REV3L: variants seen among roughly 807,000 people sequenced by gnomAD.
REV3L encodes DNA polymerase zeta catalytic subunit.
A neutral mutation model predicts 299.4 loss-of-function variants in REV3L; 69 were observed. The observed-to-expected ratio is 0.23, with a 90% CI of 0.19 to 0.28. The LOEUF is 0.28. REV3L is among the 10% of genes least tolerant of loss of function. REV3L has a pLI of 1.00. For synonymous variants in REV3L, 1,238 were observed against 1,271.4 expected, an observed-to-expected ratio of 0.97 and a Z score of 0.56; for missense variants, 3,128 against 3,693.8, an observed-to-expected ratio of 0.85 and a Z score of 3.97.
chr6:111,416,038 G>A (rs1784735460), intron 2 of REV3L, among the ~76,000 whole-genome samples: 1 of 152,088 alleles, frequency 6.6e-6, no homozygotes. Flanking sequence ...ATTACTATAT[G>A]AATTACTAAT....
At chr6:111,465,192 T>C (rs1356582045) in intron 1 of REV3L, among the ~76,000 whole-genome samples, 1 of 148,798 alleles carries the variant, frequency 6.7e-6, no homozygotes, top group Non-Finnish European at 1.5e-5. Context: ...GTGATTCTCC[T>C]GGCTCAGCCC....
intron 17 of REV3L, 56 bp from the exon 18 acceptor site, chr6:111,357,181 A>G: frequency 1.7e-6 from 1 of 602,716 alleles, no homozygotes; most frequent in East Asian, 3.7e-5. Context: ...ATATACCTTC[A>G]TAATATAAAA....
chr6:111,466,085 G>C (rs1791480223), intron 1 of REV3L, among the ~76,000 whole-genome samples: 1 of 152,136 alleles, frequency 6.6e-6, no homozygotes, highest in Non-Finnish European at 1.5e-5. Context: ...TTCTATACCT[G>C]TTAAATAAAA....
chr6:111,353,193 A>C (rs909906156), intron 18 of REV3L, among the ~76,000 whole-genome samples: 1 of 152,206 alleles, frequency 6.6e-6, no homozygotes, highest in African/African-American at 2.4e-5. Context: ...GATATAAGCT[A>C]TCTATGGCTA....
chr6:111,322,666 T>C lies in REV3L; in HGVS notation c.8254A>G (p.Ile2752Val), dbSNP rs1237343515. The C allele has an allele frequency of 3.7e-6, 6 of 1,613,738 alleles. No homozygotes were observed. The highest frequency in any genetic ancestry group is 5.1e-6 in the Non-Finnish European group (6 of 1,179,782). Reference protein sequence around the residue: ...RMPCIEVGDSIVHKARETLER... With the variant: ...RMPCIEVGDSVVHKARETLER... ...AAGGTCTCTCTGGCTTTGTGAACAA[T>C]ACTATCGCCAACCTGTTGGTACAAA... Residue 2752 changes from isoleucine to valine, a missense_variant, in exon 26 of 32, where the codon ATT (isoleucine) becomes GTT (valine). Around this residue, in one of 9 missense-constraint regions of REV3L, gnomAD observed 37 missense variants for 100.1 expected, o/e 0.37. Transcript: ENST00000368802.
chr6:111,428,409 T>C (rs1786451847), intron 1 of REV3L, among the ~76,000 whole-genome samples: 1 of 151,978 alleles, frequency 6.6e-6, no homozygotes, highest in African/African-American at 2.4e-5. Context: ...GAGAAATACA[T>C]TTGGTGAACA....
chr6:111,370,536 A>C (rs551027099), intron 13 of REV3L, among the ~76,000 whole-genome samples: 1 of 152,328 alleles, frequency 6.6e-6, no homozygotes, highest in South Asian at 2.1e-4. Context: ...TAAGGTATAA[A>C]ATATGATATT....
chr6:111,333,480 T>C (rs1403336356), intron 22 of REV3L, 113 bp from the exon 23 acceptor site: 3 of 1,139,376 alleles, frequency 2.6e-6, no homozygotes, highest in African/African-American at 3.1e-5. Flanking sequence ...TGTATGACTT[T>C]TTTTTTTTTT....
At chr6:111,446,228 C>T (rs760745374) in intron 1 of REV3L, among the ~76,000 whole-genome samples, 2 of 152,158 alleles carry the variant, frequency 1.3e-5, no homozygotes, top group Non-Finnish European at 2.9e-5. Flanking sequence ...TGGTTAAATG[C>T]TAAATTTTAA....
intron 1 of REV3L, among the ~76,000 whole-genome samples, chr6:111,426,880 A>AC (rs1269679052): frequency 2.6e-5 from 4 of 152,252 alleles, no homozygotes; most frequent in African/African-American, 9.6e-5. Context: ...GAAAATGTGC[A>AC]CCTTTCAGAC....
chr6:111,480,355 T>C (rs933065176), intron 1 of REV3L, among the ~76,000 whole-genome samples: 1 of 152,204 alleles, frequency 6.6e-6, no homozygotes, highest in African/African-American at 2.4e-5. Flanking sequence ...TTCAAATAAA[T>C]CTGTCTTCAT....
chr6:111,417,655 A>G (rs1280664580), intron 1 of REV3L, among the ~76,000 whole-genome samples: 2 of 152,124 alleles, frequency 1.3e-5, no homozygotes, highest in African/African-American at 4.8e-5. Context: ...AAATATATAG[A>G]AAGTAGTTCT....
Position 111,374,236 on chromosome 6 carries a change from C to T in REV3L, c.4119G>A (p.Gln1373=). The T allele has an allele frequency of 6.2e-7, 1 of 1,613,068 alleles. No individual in the cohort carries two copies. Among genetic ancestry groups the T allele is most frequent in the Non-Finnish European group, 8.5e-7 (1 of 1,179,128 alleles). Residue 1373 remains glutamine (Q), a synonymous_variant, in exon 13 of 32, where the codon CAG becomes CAA. Coordinates refer to ENST00000368802, the MANE Select transcript of REV3L (RefSeq NM_001372078.1). The stretch of plus-strand genomic sequence containing the variant: ...TCTTTGAGGACATACCAGAAGATAT[C>T]TGTGTATTCTGTGCTACCTGAGATA... ...NHLSQVAQNT[Q]ISSGMSSKIE...
At chr6:111,479,328 T>C (rs1315542726) in intron 1 of REV3L, among the ~76,000 whole-genome samples, 1 of 152,226 alleles carries the variant, frequency 6.6e-6, no homozygotes, top group Admixed American at 6.5e-5. Flanking sequence ...GTCAAAATAA[T>C]GTTCAAGACA....
chr6:111,475,237 C>T (rs1019945677), intron 1 of REV3L, among the ~76,000 whole-genome samples: 1 of 152,060 alleles, frequency 6.6e-6, no homozygotes, highest in African/African-American at 2.4e-5. Context: ...TGAATATATA[C>T]ACCATAATTC....
chr6:111,429,155 G>A (rs774487751), intron 1 of REV3L, among the ~76,000 whole-genome samples: 1 of 152,082 alleles, frequency 6.6e-6, no homozygotes, highest in Non-Finnish European at 1.5e-5. Context: ...TAAAAAAGAG[G>A]GTTTTTGGTT....
chr6:111,332,278 A>G lies in REV3L; in HGVS notation c.7926-494T>C, dbSNP rs574741082. Among the ~76,000 whole-genome samples, 10 of 152,222 alleles carry G rather than the reference A, an allele frequency of 6.6e-5. 1 individual carries two copies. In the South Asian group the frequency reaches 1.5e-3, roughly 22 times the overall value. On this transcript the variant is annotated intron_variant, in intron 23 of 31. Coordinates refer to ENST00000368802, the MANE Select transcript of REV3L (RefSeq NM_001372078.1). The stretch of plus-strand genomic sequence containing the variant: ...AGTAGAGACAGGGTTTCCTCATGTT[A>G]GCCAGGATGGTCTCGATCTCCTAAC...
intron 26 of REV3L, among the ~76,000 whole-genome samples, chr6:111,321,775 G>A (rs939304817): frequency 6.6e-6 from 1 of 152,168 alleles, no homozygotes; most frequent in Non-Finnish European, 1.5e-5. Flanking sequence ...CTGTTGGACT[G>A]TAAAGAGATC....
intron 31 of REV3L, among the ~76,000 whole-genome samples, chr6:111,300,531 A>G (rs1771374129): frequency 6.6e-6 from 1 of 152,190 alleles, no homozygotes; most frequent in Non-Finnish European, 1.5e-5. Flanking sequence ...CCAATCATAA[A>G]AAAGTTACTC....
Sources: gnomAD v4.1 joint callset for allele counts (sites outside exome capture counted in the v4.1 genomes callset) on GRCh38, gnomAD v4.1.1 for gene constraint, gnomAD v4.1.1 regional missense constraint, MANE v1.5 for transcripts, NCBI Gene and HGNC (gene_info 2026-07-23, HGNC 2026-07-21) for gene names.